Variants in DOCK3 observed in about 807,000 individuals in gnomAD.
The protein encoded by DOCK3 is dedicator of cytokinesis protein 3.
DOCK3 carries 60 observed loss-of-function variants against 265.6 expected under a neutral mutation model. That is an observed-to-expected ratio of 0.23 (90% confidence interval 0.18 to 0.28). The LOEUF is 0.28. DOCK3 is among the 10% of genes least tolerant of loss of function. The pLI is 1.00. For synonymous variants in DOCK3, 881 were observed against 938.0 expected (o/e 0.94, Z 1.11); for missense variants, 1,981 against 2,594.3 (o/e 0.76, Z 5.14).
At chr3:51,303,422 A>G (rs1353590350) in intron 27 of DOCK3, among the ~76,000 whole-genome samples, 2 of 152,162 alleles carry the variant, frequency 1.3e-5, no homozygotes, top group Non-Finnish European at 2.9e-5. Flanking sequence ...CAATTCATTC[A>G]TCTCAGCCTC....
Position 51,332,981 on chromosome 3 carries a change from C to T in DOCK3, c.3489-20C>T, listed in dbSNP as rs2084628141. On this transcript the variant is annotated intron_variant, in intron 33 of 52. Transcript: ENST00000266037. The stretch of plus-strand genomic sequence containing the variant: ...CAGTTCAGTAACCTCCTTATCTTTG[C>T]TTTCTGCTGCATGGAGTAGAACCCA... 6.2e-7 allele frequency: 1 copy of T among 1,613,952 alleles called. No homozygotes were observed. Among genetic ancestry groups the T allele is most frequent in the Non-Finnish European group, 8.5e-7 (1 of 1,179,858 alleles).
chr3:50,753,049 A>G (rs1559594109), intron 1 of DOCK3, among the ~76,000 whole-genome samples: 1 of 152,232 alleles, frequency 6.6e-6, no homozygotes, highest in Admixed American at 6.5e-5. Context: ...CGAGGATATT[A>G]TGTAGGTACT....
intron 5 of DOCK3, among the ~76,000 whole-genome samples, chr3:51,020,562 G>C (rs2079540452): frequency 6.6e-6 from 1 of 151,822 alleles, no homozygotes; most frequent in African/African-American, 2.4e-5. Context: ...TATCCTGGAT[G>C]TTATTGCCTA....
chr3:51,364,173 G>A lies in DOCK3; in HGVS notation c.5293+1499G>A, dbSNP rs549330854. Among the ~76,000 whole-genome samples the A allele has an allele frequency of 3.9e-5, 6 of 152,270 alleles. No homozygotes were observed. In the South Asian group the frequency reaches 6.2e-4, roughly 16 times the overall value. ...GTTGTTTCCTGACTTTTTAATGATTGCCATTCTAACTGGTGTGAAATGGTA... is the reference window on the plus strand; with the variant it reads ...GTTGTTTCCTGACTTTTTAATGATTACCATTCTAACTGGTGTGAAATGGTA... On this transcript the variant is annotated intron_variant, in intron 49 of 52. Transcript: ENST00000266037.
chr3:51,374,417 C>T lies in DOCK3; in HGVS notation c.5294-52C>T. ...GTCCTGAGGATGCTTGACTGCTGGA[C>T]CCTCCATCTGTGGCTTGTCATCTGT... On this transcript the variant is annotated intron_variant, in intron 49 of 52. Transcript: ENST00000266037. This position sits in a 1 kb window ranked among gnomAD's most constrained non-coding sequence, Gnocchi z 4.8. The T allele has an allele frequency of 1.3e-6, 2 of 1,544,806 alleles. No individual in the cohort carries two copies. Among genetic ancestry groups the T allele is most frequent in the African/African-American group, 1.4e-5 (1 of 73,328 alleles).
chr3:51,175,091 A>G (rs2086871221), intron 12 of DOCK3, among the ~76,000 whole-genome samples: 1 of 152,166 alleles, frequency 6.6e-6, no homozygotes, highest in Admixed American at 6.5e-5. Flanking sequence ...GGCAGGCAGG[A>G]CTAGCCCCAG....
chr3:51,250,569 A>T (rs1221617779), intron 22 of DOCK3, among the ~76,000 whole-genome samples: 4 of 152,220 alleles, frequency 2.6e-5, no homozygotes, highest in African/African-American at 7.2e-5. Context: ...CAGTGAACCA[A>T]GATTGTGCCG....
At position 50,988,387 on chromosome 3, in the gene DOCK3, C is replaced by A. The variant is rs11716733; in HGVS notation, c.315+54310C>A. On this transcript the variant is annotated intron_variant, in intron 5 of 52. Transcript: ENST00000266037. ...TTCTCTGGCTGACAGAAATTTGTAA[C>A]CTCTGTGGGATGGAGCTGCCAGAGG... 2.3e-3 allele frequency among the ~76,000 whole-genome samples: 344 copies of A among 152,314 alleles called. 1 individual carries two copies. Among genetic ancestry groups the A allele is most frequent in the Middle Eastern group, 0.01 (3 of 294 alleles).
chr3:50,767,253 T>C (rs569212376), intron 1 of DOCK3, among the ~76,000 whole-genome samples: 1 of 152,324 alleles, frequency 6.6e-6, no homozygotes, highest in South Asian at 2.1e-4. Flanking sequence ...TGGTTTTAGG[T>C]CTAACATTTA....
intron 4 of DOCK3, among the ~76,000 whole-genome samples, chr3:50,907,852 C>T (rs980362263): frequency 6.6e-6 from 1 of 151,860 alleles, no homozygotes; most frequent in Admixed American, 6.6e-5. Flanking sequence ...GCTGTATATC[C>T]TTCTGGTTTG....
intron 5 of DOCK3, among the ~76,000 whole-genome samples, chr3:51,016,714 C>CATAT (rs2079303817): frequency 4.5e-5 from 3 of 67,390 alleles, no homozygotes; most frequent in African/African-American, 2.6e-4. Flanking sequence ...TATTATATAT[C>CATAT]AATATAATAT....
chr3:50,778,324 C>T (rs945582158), intron 1 of DOCK3, among the ~76,000 whole-genome samples: 1 of 151,912 alleles, frequency 6.6e-6, no homozygotes, highest in Non-Finnish European at 1.5e-5. Context: ...ATAAGAAGCT[C>T]CTAATATTAT....
At chr3:51,274,502 G>T (rs1387553675) in intron 24 of DOCK3, among the ~76,000 whole-genome samples, 2 of 152,188 alleles carry the variant, frequency 1.3e-5, no homozygotes, top group Non-Finnish European at 2.9e-5. Context: ...TTGGGACCAG[G>T]TGTGGTGGCT....
chr3:51,030,712 A>G (rs540928040), intron 5 of DOCK3, among the ~76,000 whole-genome samples: 109 of 152,326 alleles, frequency 7.2e-4, no homozygotes, highest in African/African-American at 2.5e-3. Context: ...CATCTCCAAG[A>G]GCATAGAGCA....
intron 4 of DOCK3, among the ~76,000 whole-genome samples, chr3:50,897,270 G>A (rs1465619546): frequency 6.6e-6 from 1 of 152,034 alleles, no homozygotes; most frequent in Non-Finnish European, 1.5e-5. Flanking sequence ...GTTCACTCAT[G>A]ATTTGGCTAT....
chr3:50,967,160 C>G (rs1468228816), intron 5 of DOCK3, among the ~76,000 whole-genome samples: 1 of 152,128 alleles, frequency 6.6e-6, no homozygotes, highest in Non-Finnish European at 1.5e-5. Flanking sequence ...TACCCATTGA[C>G]AAACCTCTTC....
At chr3:51,029,427 A>G (rs1395899876) in intron 5 of DOCK3, among the ~76,000 whole-genome samples, 1 of 152,156 alleles carries the variant, frequency 6.6e-6, no homozygotes, top group Non-Finnish European at 1.5e-5. Context: ...GGGGCTGCCA[A>G]AGAAGCACAA....
intron 12 of DOCK3, among the ~76,000 whole-genome samples, chr3:51,192,054 CAACA>C (rs2107852063): frequency 6.6e-6 from 1 of 150,674 alleles, no homozygotes; most frequent in South Asian, 2.1e-4. Context: ...ACTACTTACA[CAACA>C]TCCCCTTTTG....
chr3:51,269,515 C>G (rs1253254909), intron 23 of DOCK3, among the ~76,000 whole-genome samples: 1 of 152,106 alleles, frequency 6.6e-6, no homozygotes, highest in Non-Finnish European at 1.5e-5. Flanking sequence ...TCCAATTGGG[C>G]CTGGCCTGAA....
Sources: gnomAD v4.1 joint callset for allele counts (sites outside exome capture counted in the v4.1 genomes callset) on GRCh38, gnomAD v4.1.1 for gene constraint, Gnocchi (gnomAD v3.1) non-coding constraint, MANE v1.5 for transcripts, NCBI Gene and HGNC (gene_info 2026-07-23, HGNC 2026-07-21) for gene names.